The following CPZ variants were observed in gnomAD, a reference collection of about 807,000 sequenced individuals.
CPZ encodes VEZT/CPZ fusion.
A neutral mutation model predicts 61.8 loss-of-function variants in CPZ; 103 were observed. That is an observed-to-expected ratio of 1.67 (90% CI 1.42 to 1.96). The LOEUF (loss-of-function observed/expected upper bound fraction) is 1.96, where lower values mean the gene tolerates loss of function less well. CPZ is among the 30% of genes most tolerant of loss of function. The probability of loss-of-function intolerance (pLI) is 0.00; values close to 1 mark genes in which losing one functional copy is unlikely to be tolerated. For synonymous variants in CPZ, 551 were observed against 373.7 expected (o/e 1.47, Z -5.47); for missense variants, 1,461 against 914.9 (o/e 1.60, Z -7.70).
At chr4:8,606,976 G>A (rs915767276) in intron 6 of CPZ, 78 bp downstream of exon 6, 6 of 1,476,158 alleles carry the variant, frequency 4.1e-6, no homozygotes, top group African/African-American at 1.4e-5. Context: ...CTCTGGAGTT[G>A]TCCTTCCCTG....
At position 8,601,301 on chromosome 4, in the gene CPZ, G is replaced by A. The variant is rs114720428; in HGVS notation, c.300G>A (p.Leu100=). The A allele has an allele frequency of 6.2e-7, 1 of 1,612,942 alleles. No individual in the cohort carries two copies. Among genetic ancestry groups the A allele is most frequent in the African/African-American group, 1.3e-5 (1 of 75,070 alleles). ...AGTGCAACCCGGACCTGCGGCTGCT[G>A]GGCTGTGCTGTGCTGGCCCCCCGGT... ...EGQCNPDLRL[L]GCAVLAPRCE... Residue 100 remains leucine (L), a synonymous_variant, in exon 3 of 11, where the codon CTG becomes CTA. Transcript: ENST00000360986.
chr4:8,597,911 G>A (rs915948067), intron 1 of CPZ, among the ~76,000 whole-genome samples: 7 of 152,208 alleles, frequency 4.6e-5, no homozygotes, highest in African/African-American at 9.6e-5. Context: ...CGGGGCCCCC[G>A]GCTGTGATGT....
At chr4:8,609,148 C>CCATTCACT (rs71175493) in intron 7 of CPZ, among the ~76,000 whole-genome samples, 21 of 116,824 alleles carry the variant, frequency 1.8e-4, no homozygotes, top group Non-Finnish European at 3.4e-4. Context: ...ACTCATTCAC[C>CCATTCACT]CACTCCCTCA....
chr4:8,615,200 T>G (rs1465329412), intron 9 of CPZ, among the ~76,000 whole-genome samples: 1 of 151,648 alleles, frequency 6.6e-6, no homozygotes, highest in African/African-American at 2.4e-5. Flanking sequence ...AGCAGGCAGG[T>G]GGGAGGTGAG....
intron 9 of CPZ, among the ~76,000 whole-genome samples, chr4:8,616,520 C>A (rs1466699927): frequency 6.6e-6 from 1 of 152,152 alleles, no homozygotes; most frequent in Non-Finnish European, 1.5e-5. Context: ...GCCGTGGGGC[C>A]CTGGGGTAGG....
rs576663252 is a variant in CPZ, at chr4:8,597,246, C to A, written c.89-2207C>A. On this transcript the variant is annotated intron_variant, in intron 1 of 10. Coordinates refer to ENST00000360986, the MANE Select transcript of CPZ (RefSeq NM_001014447.3). ...CACAGGATGGGTGCTCACACAGGGC[C>A]CTGTGTGGATGCCAGCCTTTTATCT... 2.0e-5 allele frequency among the ~76,000 whole-genome samples: 3 copies of A among 152,204 alleles called. No individual in the cohort carries two copies. In the South Asian group the frequency reaches 6.2e-4, roughly 32 times the overall value.
In CPZ at chr4:8,614,448, T is replaced by C; in HGVS notation, c.1453T>C (p.Tyr485His). ...CVKFPPEEALYILWQHNKESL... is the reference protein window; with the variant it reads ...CVKFPPEEALHILWQHNKESL... ...GAAGTTCCCCCCCGAGGAGGCCCTG[T>C]ACATACTCTGGCAGCACAACAAGGA... Residue 485 changes from tyrosine (Y) to histidine (H), a missense_variant, in exon 9 of 11, where the codon TAC (tyrosine) becomes CAC (histidine). Coordinates refer to ENST00000360986, the MANE Select transcript of CPZ (RefSeq NM_001014447.3). 2 of 1,614,034 alleles carry C rather than the reference T, an allele frequency of 1.2e-6. No homozygotes were observed. Among genetic ancestry groups the C allele is most frequent in the Non-Finnish European group, 1.7e-6 (2 of 1,179,968 alleles).
At position 8,607,439 on chromosome 4, in the gene CPZ, C is replaced by T. The variant is rs78649842; in HGVS notation, c.1227+14C>T. On this transcript the variant is annotated intron_variant, in intron 7 of 10. Coordinates refer to ENST00000360986, the MANE Select transcript of CPZ (RefSeq NM_001014447.3). ...CCCGACGAGAAGGTGAGAGGGCTGT[C>T]GGGTGTGTGCAGGGGAGGGAGACAG... 4.0e-5 allele frequency: 64 copies of T among 1,612,824 alleles called. No individual in the cohort carries two copies. In the East Asian group the frequency reaches 1.3e-3, roughly 32 times the overall value.
intron 3 of CPZ, among the ~76,000 whole-genome samples, chr4:8,601,719 C>A (rs1054610760): frequency 6.6e-6 from 1 of 152,152 alleles, no homozygotes; most frequent in African/African-American, 2.4e-5. Flanking sequence ...CTGCCCAGGG[C>A]CCCCTAGCAG....
At chr4:8,594,221 T>C (rs755858865) in intron 1 of CPZ, among the ~76,000 whole-genome samples, 2 of 152,284 alleles carry the variant, frequency 1.3e-5, no homozygotes, top group Admixed American at 6.5e-5. Context: ...TCCCCTCTTA[T>C]GGACGAGTGT....
chr4:8,607,246 G>T (rs991264856), intron 6 of CPZ, 21 bp from the exon 7 acceptor site: 2 of 1,611,386 alleles, frequency 1.2e-6, no homozygotes, highest in East Asian at 2.2e-5. Flanking sequence ...CCCTGAGGGC[G>T]GCCTCGTCTG....
At position 8,606,103 on chromosome 4, in the gene CPZ, G is replaced by A. The variant is rs749063388; in HGVS notation, c.824G>A (p.Arg275His). Residue 275 changes from arginine (R) to histidine (H), a missense_variant, in exon 5 of 11, where the codon CGC (arginine) becomes CAC (histidine). Transcript: ENST00000360986. ...TCTGAGTACCTGCTTGGTAACCCCC[G>A]CATCCAGCGCCTGCTCAACACCACC... ...LCSEYLLGNP[R>H]IQRLLNTTRI... is the part of the protein sequence containing the mutation. 13 of 1,613,974 alleles carry A rather than the reference G, an allele frequency of 8.1e-6. No individual in the cohort carries two copies. Among genetic ancestry groups the A allele is most frequent in the South Asian group, 3.3e-5 (3 of 91,088 alleles).
At chr4:8,614,327 C>G (rs2302572) in intron 8 of CPZ, 32 bp from the exon 9 acceptor site, 5 of 1,579,228 alleles carry the variant, frequency 3.2e-6, no homozygotes, top group Middle Eastern at 1.7e-4. Context: ...GCGGCTGACA[C>G]CCCTGACGTC....
rs770401626 is a variant in CPZ, at chr4:8,606,196, A to T, written c.906+11A>T. 1.7e-5 allele frequency: 28 copies of T among 1,610,568 alleles called. No homozygotes were observed. Among genetic ancestry groups the T allele is most frequent in the Middle Eastern group, 1.6e-4 (1 of 6,076 alleles). ...GTGGCAGCTGCCGAGGTGAGCGCCCAGATGCCTGGATCCTGTGGGCCACCG... is the reference window on the plus strand; with the variant it reads ...GTGGCAGCTGCCGAGGTGAGCGCCCTGATGCCTGGATCCTGTGGGCCACCG... On this transcript the variant is annotated intron_variant, in intron 5 of 10. Coordinates refer to ENST00000360986, the MANE Select transcript of CPZ (RefSeq NM_001014447.3).
chr4:8,607,389 G>C lies in CPZ; in HGVS notation c.1191G>C (p.Gln397His), dbSNP rs542487579. The C allele has an allele frequency of 6.2e-7, 1 of 1,613,760 alleles. No homozygotes were observed. The highest frequency in any genetic ancestry group is 1.1e-5 in the South Asian group (1 of 91,052). The change falls in exon 7 of 11, where the codon CAG (glutamine) becomes CAC (histidine). Residue 397 changes from glutamine to histidine, a missense_variant. Gln to His is a conservative substitution (Grantham distance 24, BLOSUM62 0). Transcript: ENST00000360986. ...CCTTCGACTTCTCCAAGCACCCCCA[G>C]GAGGAGAAGATGTTTTCTCCCACGC... ...SYPFDFSKHPQEEKMFSPTPD... is the reference protein window; with the variant it reads ...SYPFDFSKHPHEEKMFSPTPD...
At chr4:8,613,757 C>A (rs1577126429) in intron 8 of CPZ, among the ~76,000 whole-genome samples, 2 of 152,228 alleles carry the variant, frequency 1.3e-5, no homozygotes, top group East Asian at 1.9e-4. Flanking sequence ...GCTCTGAGGC[C>A]TTCTCGGCTG....
intron 7 of CPZ, among the ~76,000 whole-genome samples, chr4:8,611,820 C>CCAGTGACCTCA (rs1715721560): frequency 6.6e-6 from 1 of 152,030 alleles, no homozygotes; most frequent in South Asian, 2.1e-4. Flanking sequence ...TCCAGCAGTG[C>CCAGTGACCTCA]CAGACCGCCT....
intron 8 of CPZ, among the ~76,000 whole-genome samples, chr4:8,612,759 C>A (rs998732937): frequency 3.3e-5 from 5 of 152,164 alleles, no homozygotes; most frequent in African/African-American, 1.2e-4. Context: ...TGCTCTGGGC[C>A]CTGCCTGCAC....
chr4:8,594,556 G>C (rs1714038180), intron 1 of CPZ, among the ~76,000 whole-genome samples: 1 of 152,146 alleles, frequency 6.6e-6, no homozygotes, highest in Admixed American at 6.5e-5. Flanking sequence ...CACAGCCACT[G>C]GTCAGTTGAG....
Sources: allele counts gnomAD v4.1 joint callset (sites outside exome capture counted in the v4.1 genomes callset), GRCh38; gene constraint gnomAD v4.1.1; transcripts MANE v1.5; gene names NCBI Gene and HGNC (gene_info 2026-07-23, HGNC 2026-07-21).